Variants in PMEPA1 observed in about 807,000 individuals in gnomAD.
The protein encoded by PMEPA1 is protein TMEPAI.
A neutral mutation model predicts 23.0 loss-of-function variants in PMEPA1; 11 were observed. The observed-to-expected ratio is 0.48, with a 90% CI of 0.30 to 0.79. The LOEUF (loss-of-function observed/expected upper bound fraction) is 0.79, where lower values mean the gene tolerates loss of function less well. PMEPA1 is among the 30% of genes least tolerant of loss of function. The pLI is 0.06. For synonymous variants in PMEPA1, 204 were observed against 166.4 expected, an observed-to-expected ratio of 1.23 and a Z score of -1.74; for missense variants, 377 against 390.9, an observed-to-expected ratio of 0.96 and a Z score of 0.30.
rs535874576 is a variant in PMEPA1 at position 57,676,691 on chromosome 20, C to T, written c.110-16994G>A. 2.2e-3 allele frequency among the ~76,000 whole-genome samples: 338 copies of T among 152,278 alleles called. 5 individuals are homozygous for T. The highest frequency in any genetic ancestry group is 4.2e-3 in the Non-Finnish European group (283 of 68,000). ...GATCAGCTCTCCTGCCCTCGAGGGG[C>T]GGAGCTGTGGGAGAGCCACTGGGAG... On this transcript the variant is annotated intron_variant, in intron 1 of 3. Coordinates refer to ENST00000341744, the MANE Select transcript of PMEPA1 (RefSeq NM_020182.5).
rs1745038229 is a variant in PMEPA1 at position 57,655,208 on chromosome 20, G to A, written c.265-2122C>T. ...TGGATCTGAGCCCATCCTGGGTCTG[G>A]ACCAATGGCCCCTCTTTCCTCCCTT... On this transcript the variant is annotated intron_variant, in intron 2 of 3. Coordinates refer to ENST00000341744, the MANE Select transcript of PMEPA1 (RefSeq NM_020182.5). This position sits in a 1 kb window ranked among gnomAD's most constrained non-coding sequence, Gnocchi z 4.2. 6.6e-6 allele frequency among the ~76,000 whole-genome samples: 1 copy of A among 152,120 alleles called. No homozygotes were observed. The highest frequency in any genetic ancestry group is 2.4e-5 in the African/African-American group (1 of 41,416).
chr20:57,694,767 G>A (rs948270940), intron 1 of PMEPA1, among the ~76,000 whole-genome samples: 3 of 152,224 alleles, frequency 2.0e-5, no homozygotes, highest in African/African-American at 7.2e-5. Context: ...CTGGCACATG[G>A]TAGGCATTCA....
At chr20:57,680,249 C>T (rs529925115) in intron 1 of PMEPA1, among the ~76,000 whole-genome samples, 7 of 152,220 alleles carry the variant, frequency 4.6e-5, no homozygotes, top group Non-Finnish European at 1.0e-4. Flanking sequence ...CCCAAGGAGC[C>T]GCTTTGGGGA....
chr20:57,674,985 G>A (rs187008948), intron 1 of PMEPA1, among the ~76,000 whole-genome samples: 11 of 152,340 alleles, frequency 7.2e-5, no homozygotes, highest in African/African-American at 1.4e-4. Context: ...CACAGTGAAC[G>A]TGCAGTAGGT....
intron 1 of PMEPA1, among the ~76,000 whole-genome samples, chr20:57,666,545 C>A (rs551211974): frequency 6.6e-6 from 1 of 152,276 alleles, no homozygotes; most frequent in South Asian, 2.1e-4. Flanking sequence ...CCCCAGCAGT[C>A]CTGAGTGTGA....
chr20:57,709,765 C>T lies in PMEPA1; in HGVS notation c.-183G>A. ...GCGCCGCGGGGCTCAGTGCGCGGGA[C>T]CGCGCTCCGCTGCGCCCCCCCGGCC... On this transcript the variant is annotated 5_prime_UTR_variant, in exon 1 of 4. Transcript: ENST00000341744. 1 of 980,918 alleles carries T rather than the reference C, an allele frequency of 1.0e-6. No homozygotes were observed. The highest frequency in any genetic ancestry group is 4.6e-5 in the South Asian group (1 of 21,678). The allele number at this position is 980,918 out of a possible 1,614,324, so 60.8% of individuals were successfully genotyped here.
upstream of PMEPA1, chr20:57,711,311 G>T (rs2072177785): frequency 6.6e-6 from 1 of 152,230 alleles, no homozygotes; most frequent in African/African-American, 2.4e-5. Context: ...GGTGGCCTCG[G>T]GGTAGAACTT....
Position 57,683,559 on chromosome 20 carries a change from G to GCA in PMEPA1, c.110-23863_110-23862insTG, listed in dbSNP as rs35605094. ...GTGGTGTTCTGGCCTGTGTGCGTGT[G>GCA]TGTGTGTGTGTGTGTGTGTGTGTGT... On this transcript the variant is annotated intron_variant, in intron 1 of 3. Coordinates refer to ENST00000341744, the MANE Select transcript of PMEPA1 (RefSeq NM_020182.5). This position sits in a 1 kb window ranked among gnomAD's most constrained non-coding sequence, Gnocchi z 4.3. Among the ~76,000 whole-genome samples the GCA allele has an allele frequency of 6.9e-5, 5 of 72,632 alleles. No homozygotes were observed. Among genetic ancestry groups the GCA allele is most frequent in the Non-Finnish European group, 2.1e-4 (5 of 23,570 alleles). 47.6% of individuals were successfully genotyped at this position (72,632 alleles called of 152,430 possible). A position where few individuals can be genotyped will look rare whatever the true frequency, so the allele number is the denominator to read the frequency against.
At chr20:57,705,945 TA>T (rs2072079165) in intron 1 of PMEPA1, among the ~76,000 whole-genome samples, 1 of 152,208 alleles carries the variant, frequency 6.6e-6, no homozygotes, top group Non-Finnish European at 1.5e-5. Flanking sequence ...GCACTGTCTC[TA>T]CACCCTCACT....
chr20:57,708,838 G>A (rs1278324498), intron 1 of PMEPA1, among the ~76,000 whole-genome samples: 2 of 152,036 alleles, frequency 1.3e-5, no homozygotes, highest in Non-Finnish European at 2.9e-5. Flanking sequence ...AGGCACCCCG[G>A]CCCGGACACG....
intron 1 of PMEPA1, among the ~76,000 whole-genome samples, chr20:57,686,650 C>G (rs1000499850): frequency 6.6e-6 from 1 of 152,272 alleles, no homozygotes; most frequent in Non-Finnish European, 1.5e-5. Context: ...ATCCACCGGC[C>G]TCTTTCAACA....
rs187660390 is a variant in PMEPA1, at chr20:57,652,751, G to T, written c.319-153C>A. On this transcript the variant is annotated intron_variant, in intron 3 of 3. Transcript: ENST00000341744. The surrounding 1 kb of genome is among the most constrained non-coding windows in gnomAD (Gnocchi z 6.1). Reference sequence around the variant, plus strand: ...TGGCGGGGGCGGGAGCCCAGAGCCTGATCCCGCGGGGGCCCTGGCCTGGGG... The same window carrying T: ...TGGCGGGGGCGGGAGCCCAGAGCCTTATCCCGCGGGGGCCCTGGCCTGGGG... 1.1e-3 allele frequency among the ~76,000 whole-genome samples: 165 copies of T among 152,272 alleles called. 1 individual carries two copies. The highest frequency in any genetic ancestry group is 3.8e-3 in the African/African-American group (159 of 41,562).
chr20:57,710,193 C>G, upstream of PMEPA1: 1 of 498,404 alleles, frequency 2.0e-6, no homozygotes, highest in South Asian at 7.5e-5. Context: ...AGACCCGGCA[C>G]CCGCGCAACG....
chr20:57,689,543 G>T (rs774527133), intron 1 of PMEPA1, among the ~76,000 whole-genome samples: 12 of 152,226 alleles, frequency 7.9e-5, no homozygotes, highest in Admixed American at 2.0e-4. Flanking sequence ...TCAGTGCCAA[G>T]ATGGGACAGT....
At chr20:57,678,386 GA>G (rs1158854683) in intron 1 of PMEPA1, among the ~76,000 whole-genome samples, 1 of 152,264 alleles carries the variant, frequency 6.6e-6, no homozygotes, top group African/African-American at 2.4e-5. Flanking sequence ...GAAAACAAGT[GA>G]ACGGTCTGGG....
In PMEPA1 at chr20:57,659,392, G is replaced by A. The variant is rs1218584445; in HGVS notation, c.264+151C>T. Reference sequence around the variant, plus strand: ...GGTGCTTTCCTCCCATTTCAGGGGAGGAAGCTGCTGTCAGGTGGGCTCCCC... The same window carrying A: ...GGTGCTTTCCTCCCATTTCAGGGGAAGAAGCTGCTGTCAGGTGGGCTCCCC... On this transcript the variant is annotated intron_variant, in intron 2 of 3. Transcript: ENST00000341744. 1.3e-5 allele frequency: 10 copies of A among 766,394 alleles called. No individual in the cohort carries two copies. In the Admixed American group the frequency reaches 1.4e-4, roughly 11 times the overall value. The allele number at this position is 766,394 out of a possible 1,614,324, so 47.5% of individuals were successfully genotyped here. A position where few individuals can be genotyped will look rare whatever the true frequency, so the allele number is the denominator to read the frequency against.
intron 1 of PMEPA1, among the ~76,000 whole-genome samples, chr20:57,689,712 G>A (rs1432936265): frequency 2.0e-5 from 3 of 152,314 alleles, no homozygotes; most frequent in Non-Finnish European, 4.4e-5. Flanking sequence ...GGACCCAGGG[G>A]CCGCCCTGAA....
chr20:57,675,083 G>A (rs958670319), intron 1 of PMEPA1, among the ~76,000 whole-genome samples: 5 of 152,250 alleles, frequency 3.3e-5, no homozygotes, highest in African/African-American at 9.6e-5. Flanking sequence ...CAGGAAGTAC[G>A]CTTGTCTTAT....
rs11699563 is a variant in PMEPA1, at chr20:57,655,378, C to T, written c.265-2292G>A. 0.033 allele frequency among the ~76,000 whole-genome samples: 4,977 copies of T among 152,300 alleles called. 113 individuals carry two copies. The highest frequency in any genetic ancestry group is 0.07 in the South Asian group (337 of 4,828). On this transcript the variant is annotated intron_variant, in intron 2 of 3. Coordinates refer to ENST00000341744, the MANE Select transcript of PMEPA1 (RefSeq NM_020182.5). This position sits in a 1 kb window ranked among gnomAD's most constrained non-coding sequence, Gnocchi z 4.2. The stretch of plus-strand genomic sequence containing the variant: ...ACCACAGCCTTTGTCCCTCTGCCCC[C>T]GGTGGCCTATTCAGGGGTCTCACTC...
Sources: gnomAD v4.1 joint callset for allele counts (sites outside exome capture counted in the v4.1 genomes callset) on GRCh38, gnomAD v4.1.1 for gene constraint, Gnocchi (gnomAD v3.1) non-coding constraint, MANE v1.5 for transcripts, NCBI Gene and HGNC (gene_info 2026-07-23, HGNC 2026-07-21) for gene names.